The following ROR1 variants were observed in gnomAD, a reference collection of about 807,000 sequenced individuals.
ROR1 encodes the protein inactive tyrosine-protein kinase transmembrane receptor ROR1.
A neutral mutation model predicts 78.8 loss-of-function variants in ROR1; 19 were observed. The observed-to-expected ratio is 0.24, with a 90% CI of 0.17 to 0.35. ROR1 has a LOEUF of 0.35. ROR1 is among the 10% of genes least tolerant of loss of function. ROR1 has a pLI of 1.00. For synonymous variants in ROR1, 386 were observed against 433.6 expected, an observed-to-expected ratio of 0.89 and a Z score of 1.36; for missense variants, 917 against 1,177.8, an observed-to-expected ratio of 0.78 and a Z score of 3.24.
intron 1 of ROR1, among the ~76,000 whole-genome samples, chr1:63,832,424 A>C (rs1644994021): frequency 6.6e-6 from 1 of 152,316 alleles, no homozygotes; most frequent in South Asian, 2.1e-4. Context: ...GGGAGGCCTC[A>C]GGAAACTTAC....
At chr1:63,958,419 A>G (rs536703953) in intron 1 of ROR1, among the ~76,000 whole-genome samples, 1 of 152,184 alleles carries the variant, frequency 6.6e-6, no homozygotes, top group Non-Finnish European at 1.5e-5. Context: ...CAATAATGGC[A>G]GTTAAATTTT....
At position 64,063,278 on chromosome 1, in the gene ROR1, G is replaced by A. The variant is rs570172936; in HGVS notation, c.482+12562G>A. ...CATCGTCAACTCATTATCTTCTGTG[G>A]TATGAATGTTTTCTTCTTCGTGGTT... is the stretch of plus-strand genomic sequence containing the variant. On this transcript the variant is annotated intron_variant, in intron 4 of 8. Coordinates refer to ENST00000371079, the MANE Select transcript of ROR1 (RefSeq NM_005012.4). 1.2e-4 allele frequency among the ~76,000 whole-genome samples: 19 copies of A among 152,332 alleles called. No homozygotes were observed. The East Asian group carries it at 3.5e-3, about 28-fold the overall frequency.
intron 1 of ROR1, among the ~76,000 whole-genome samples, chr1:63,888,524 G>A (rs895410517): frequency 6.6e-6 from 1 of 152,062 alleles, no homozygotes; most frequent in African/African-American, 2.4e-5. Flanking sequence ...TTGGGAGGCT[G>A]AGACAGGAGG....
intron 1 of ROR1, among the ~76,000 whole-genome samples, chr1:63,949,191 G>A (rs1645914223): frequency 6.6e-6 from 1 of 152,124 alleles, no homozygotes; most frequent in Non-Finnish European, 1.5e-5. Context: ...GCAAGTCGGG[G>A]ACATGGAAAA....
At chr1:63,836,129 A>C (rs529493613) in intron 1 of ROR1, among the ~76,000 whole-genome samples, 43 of 152,296 alleles carry the variant, frequency 2.8e-4, no homozygotes, top group Middle Eastern at 6.8e-3. Flanking sequence ...CACTGGGGTC[A>C]GGACCATTTT....
chr1:64,021,655 C>G (rs1646566268), intron 2 of ROR1, among the ~76,000 whole-genome samples: 1 of 152,172 alleles, frequency 6.6e-6, no homozygotes, highest in African/African-American at 2.4e-5. Context: ...TCCATGTTCT[C>G]AGTGACTATT....
chr1:63,903,585 A>C (rs1172679498), intron 1 of ROR1, among the ~76,000 whole-genome samples: 1 of 151,904 alleles, frequency 6.6e-6, no homozygotes, highest in Non-Finnish European at 1.5e-5. Context: ...CCACCCTCCC[A>C]TCATTTCCAC....
intron 4 of ROR1, among the ~76,000 whole-genome samples, chr1:64,058,842 G>A (rs1646894893): frequency 6.6e-6 from 1 of 151,866 alleles, no homozygotes; most frequent in African/African-American, 2.4e-5. Flanking sequence ...GGGTAATATT[G>A]GCCTCAGAAT....
At chr1:64,067,707 A>ATTATTTTTTTT in intron 4 of ROR1, among the ~76,000 whole-genome samples, 1 of 130,432 alleles carries the variant, frequency 7.7e-6, no homozygotes, top group Admixed American at 7.5e-5. Context: ...AGTTAAATAA[A>ATTATTTTTTTT]TTCTTTTTTT....
intron 1 of ROR1, among the ~76,000 whole-genome samples, chr1:63,992,095 A>G (rs996880075): frequency 1.3e-5 from 2 of 152,132 alleles, no homozygotes; most frequent in Admixed American, 1.3e-4. Context: ...AAAAAACCCG[A>G]CAACCCTTGT....
At chr1:63,958,819 T>C (rs7537856) in intron 1 of ROR1, among the ~76,000 whole-genome samples, 2,003 of 152,276 alleles carry the variant, frequency 0.013, 45 homozygotes, top group African/African-American at 0.047. Context: ...ATGAAGCATG[T>C]GTCAGCTATC....
chr1:63,939,647 T>G (rs1228020074), intron 1 of ROR1, among the ~76,000 whole-genome samples: 1 of 152,228 alleles, frequency 6.6e-6, no homozygotes, highest in African/African-American at 2.4e-5. Context: ...CCAGCTGTGT[T>G]ACCTCGAATA....
intron 1 of ROR1, among the ~76,000 whole-genome samples, chr1:63,929,949 G>C (rs1021375914): frequency 2.0e-5 from 3 of 152,118 alleles, no homozygotes; most frequent in African/African-American, 7.2e-5. Flanking sequence ...TGAGTCTGTA[G>C]ACAGAGTGTT....
chr1:64,024,536 G>A (rs1335120553), intron 2 of ROR1, among the ~76,000 whole-genome samples: 1 of 152,044 alleles, frequency 6.6e-6, no homozygotes, highest in Admixed American at 6.6e-5. Context: ...CATTGTAGAG[G>A]TATTCAGTAA....
At chr1:63,853,664 T>A (rs748177430) in intron 1 of ROR1, among the ~76,000 whole-genome samples, 2 of 152,210 alleles carry the variant, frequency 1.3e-5, no homozygotes, top group African/African-American at 2.4e-5. Context: ...TTCAGCAAAA[T>A]AGTCTGTAAA....
At chr1:63,937,011 T>G (rs1645799150) in intron 1 of ROR1, among the ~76,000 whole-genome samples, 1 of 152,204 alleles carries the variant, frequency 6.6e-6, no homozygotes, top group Non-Finnish European at 1.5e-5. Flanking sequence ...GTTTCCTGTC[T>G]GGAGCTTTGA....
intron 1 of ROR1, among the ~76,000 whole-genome samples, chr1:63,842,247 A>G (rs570482613): frequency 8.5e-5 from 12 of 141,614 alleles, no homozygotes; most frequent in Non-Finnish European, 1.3e-4. Flanking sequence ...TTACTTGCAA[A>G]TGAACTTGCC....
chr1:63,823,476 G>T (rs1644935672), intron 1 of ROR1, among the ~76,000 whole-genome samples: 1 of 145,520 alleles, frequency 6.9e-6, no homozygotes, highest in African/African-American at 2.6e-5. Flanking sequence ...TTGAGATAGG[G>T]TCTCACTCTG....
At chr1:64,053,988 A>G (rs1423527722) in intron 4 of ROR1, among the ~76,000 whole-genome samples, 2 of 142,018 alleles carry the variant, frequency 1.4e-5, no homozygotes, top group African/African-American at 6.3e-5. Flanking sequence ...GTCTGGCTCT[A>G]TCACCCAGGC....
Sources: gnomAD v4.1 joint callset for allele counts (sites outside exome capture counted in the v4.1 genomes callset) on GRCh38, gnomAD v4.1.1 for gene constraint, MANE v1.5 for transcripts, NCBI Gene and HGNC (gene_info 2026-07-23, HGNC 2026-07-21) for gene names.